ARB2A: variants seen among roughly 807,000 people sequenced by gnomAD.
ARB2A encodes the protein ARB2 cotranscriptional regulator A, also known as cotranscriptional regulator ARB2A.
chr5:93,881,266 C>A, the ARB2A span: 1 of 405,384 alleles, frequency 2.5e-6, no homozygotes, highest in South Asian at 4.1e-5. Context: ...TTTGTGACTT[C>A]TATAAAATGT....
the ARB2A span, among the ~76,000 whole-genome samples, chr5:94,068,297 C>A: frequency 6.6e-6 from 1 of 152,212 alleles, no homozygotes; most frequent in East Asian, 1.9e-4. Flanking sequence ...GCCTCTAGCC[C>A]AATTGGGAGC....
At chr5:93,945,090 T>C in the ARB2A span, among the ~76,000 whole-genome samples, 2 of 152,056 alleles carry the variant, frequency 1.3e-5, no homozygotes, top group Non-Finnish European at 2.9e-5. Context: ...AAAAACCAGG[T>C]CATAATCTGA....
At chr5:94,049,174 A>G in the ARB2A span, among the ~76,000 whole-genome samples, 1 of 152,174 alleles carries the variant, frequency 6.6e-6, no homozygotes, top group African/African-American at 2.4e-5. Context: ...AGAATGACTA[A>G]AACTTTTCAC....
At chr5:93,776,229 C>T in the ARB2A span, 1 of 1,610,190 alleles carries the variant, frequency 6.2e-7, no homozygotes, top group Non-Finnish European at 8.5e-7. Context: ...AGCTAGAGAC[C>T]CAATTACAAC....
chr5:93,704,274 G>A, the ARB2A span, among the ~76,000 whole-genome samples: 2 of 152,304 alleles, frequency 1.3e-5, no homozygotes, highest in Middle Eastern at 3.4e-3. Context: ...TTCTGCCCAA[G>A]TATGTAGTGG....
At chr5:94,044,570 G>A in the ARB2A span, among the ~76,000 whole-genome samples, 1 of 152,088 alleles carries the variant, frequency 6.6e-6, no homozygotes, top group South Asian at 2.1e-4. Context: ...AAAAGGGAGG[G>A]TGGAAATGTC....
At chr5:93,987,170 T>A in the ARB2A span, among the ~76,000 whole-genome samples, 151,694 of 152,292 alleles carry the variant, frequency 1, 75,551 homozygotes, top group Middle Eastern at 1. Context: ...TTAGAAAAGG[T>A]CATCTTTCCC....
chr5:93,962,940 A>G, the ARB2A span, among the ~76,000 whole-genome samples: 1 of 152,084 alleles, frequency 6.6e-6, no homozygotes, highest in Non-Finnish European at 1.5e-5. Flanking sequence ...TAAACATATA[A>G]CATGCTGTAT....
chr5:94,006,730 T>C, the ARB2A span, among the ~76,000 whole-genome samples: 1 of 152,214 alleles, frequency 6.6e-6, no homozygotes, highest in Non-Finnish European at 1.5e-5. Flanking sequence ...ACAAATCTAA[T>C]GTGAGCTAAT....
the ARB2A span, among the ~76,000 whole-genome samples, chr5:93,711,372 A>G: frequency 6.6e-6 from 1 of 152,142 alleles, no homozygotes; most frequent in South Asian, 2.1e-4. Context: ...AACATCTGTC[A>G]TAAGAGTTAA....
At chr5:93,964,242 T>C in the ARB2A span, among the ~76,000 whole-genome samples, 1 of 151,998 alleles carries the variant, frequency 6.6e-6, no homozygotes, top group Non-Finnish European at 1.5e-5. Context: ...CGGTTTTTAC[T>C]TTATACTGAA....
At chr5:93,998,114 C>A in the ARB2A span, among the ~76,000 whole-genome samples, 2 of 151,870 alleles carry the variant, frequency 1.3e-5, no homozygotes, top group African/African-American at 4.8e-5. Flanking sequence ...CAGAAAGGAA[C>A]TGACAAATTC....
chr5:93,704,371 T>C, the ARB2A span, among the ~76,000 whole-genome samples: 1 of 152,072 alleles, frequency 6.6e-6, no homozygotes, highest in Non-Finnish European at 1.5e-5. Flanking sequence ...CCTACAAGCA[T>C]AGGGAGACTC....
At chr5:93,651,158 CAG>C in the ARB2A span, among the ~76,000 whole-genome samples, 2 of 149,250 alleles carry the variant, frequency 1.3e-5, no homozygotes, top group Admixed American at 1.3e-4. Flanking sequence ...TTTTTTGAGA[CAG>C]GGTCTCACTC....
the ARB2A span, among the ~76,000 whole-genome samples, chr5:93,953,883 A>G: frequency 1.3e-5 from 2 of 152,026 alleles, no homozygotes; most frequent in Non-Finnish European, 2.9e-5. Flanking sequence ...TTCCACAAGC[A>G]GCAGTTTCTT....
chr5:93,720,894 G>A, the ARB2A span, among the ~76,000 whole-genome samples: 1 of 152,028 alleles, frequency 6.6e-6, no homozygotes, highest in African/African-American at 2.4e-5. Context: ...TTTTCATTGT[G>A]TGATGCCTAA....
At chr5:93,900,301 CCA>C in the ARB2A span, among the ~76,000 whole-genome samples, 1 of 151,978 alleles carries the variant, frequency 6.6e-6, no homozygotes, top group Non-Finnish European at 1.5e-5. Context: ...AAAGTAAATT[CCA>C]CACTTAAAGA....
At chr5:93,900,606 G>A in the ARB2A span, among the ~76,000 whole-genome samples, 14 of 138,168 alleles carry the variant, frequency 1.0e-4, no homozygotes, top group South Asian at 4.6e-4. Flanking sequence ...AGAGTGAGAC[G>A]CTGTCTCAAA....
chr5:94,063,768 TACAG>T, the ARB2A span, among the ~76,000 whole-genome samples: 1 of 152,020 alleles, frequency 6.6e-6, no homozygotes, highest in East Asian at 1.9e-4. Context: ...AAAAAAATCA[TACAG>T]AAATTACATG....
Sources: gnomAD v4.1 joint callset for allele counts (sites outside exome capture counted in the v4.1 genomes callset) on GRCh38, gnomAD v4.1.1 for gene constraint, MANE v1.5 for transcripts, NCBI Gene and HGNC (gene_info 2026-07-23, HGNC 2026-07-21) for gene names.